The following CSTPP1 variants were observed in gnomAD, a reference collection of about 807,000 sequenced individuals.
CSTPP1 encodes the protein centriolar satellite-associated tubulin polyglutamylase complex regulator 1.
the CSTPP1 span, among the ~76,000 whole-genome samples, chr11:46,951,041 C>A: frequency 1.3e-5 from 2 of 152,140 alleles, no homozygotes; most frequent in Non-Finnish European, 2.9e-5. Flanking sequence ...TAGACACCAG[C>A]TGATCCCACT....
the CSTPP1 span, among the ~76,000 whole-genome samples, chr11:47,094,480 CAGAGAGAGAG>C: frequency 1.3e-5 from 2 of 150,178 alleles, no homozygotes; most frequent in Admixed American, 1.3e-4. Flanking sequence ...TTACCACACA[CAGAGAGAGAG>C]AGAGAGAGAG....
At chr11:47,083,035 C>T in the CSTPP1 span, among the ~76,000 whole-genome samples, 4 of 151,834 alleles carry the variant, frequency 2.6e-5, no homozygotes, top group Non-Finnish European at 4.4e-5. Flanking sequence ...CTCCCTCCCC[C>T]GACCTCACCC....
At chr11:47,115,597 G>A in the CSTPP1 span, among the ~76,000 whole-genome samples, 33 of 152,104 alleles carry the variant, frequency 2.2e-4, no homozygotes, top group South Asian at 4.1e-4. Flanking sequence ...GTTTATTTGC[G>A]TAAATGTGTT....
chr11:47,129,449 G>A, the CSTPP1 span, among the ~76,000 whole-genome samples: 1 of 152,262 alleles, frequency 6.6e-6, no homozygotes, highest in South Asian at 2.1e-4. Flanking sequence ...TTTTCTCCTA[G>A]CACTGGTGCC....
the CSTPP1 span, among the ~76,000 whole-genome samples, chr11:47,147,151 G>C: frequency 2.0e-5 from 3 of 152,200 alleles, no homozygotes; most frequent in Admixed American, 2.0e-4. Context: ...AAGATAGTAA[G>C]ACGTTATGGT....
chr11:46,987,113 G>A, the CSTPP1 span: 2 of 1,176,290 alleles, frequency 1.7e-6, no homozygotes, highest in Admixed American at 3.5e-5. Flanking sequence ...GCCAACACCT[G>A]GATTGCCTTA....
At chr11:47,038,490 GGCCA>G in the CSTPP1 span, among the ~76,000 whole-genome samples, 1 of 108,834 alleles carries the variant, frequency 9.2e-6, no homozygotes, top group Non-Finnish European at 2.3e-5. Flanking sequence ...CGGGGCGGCC[GGCCA>G]GGCAGAGGGG....
chr11:47,070,027 A>G, the CSTPP1 span, among the ~76,000 whole-genome samples: 3 of 152,220 alleles, frequency 2.0e-5, no homozygotes, highest in African/African-American at 7.2e-5. Flanking sequence ...TTGCTTTTTA[A>G]TTTTAAAGTT....
At chr11:46,957,928 AC>A in the CSTPP1 span, among the ~76,000 whole-genome samples, 1 of 152,232 alleles carries the variant, frequency 6.6e-6, no homozygotes. Context: ...AGACCTAGAT[AC>A]ATAGCTATAT....
chr11:47,160,926 G>T, the CSTPP1 span: 1 of 639,016 alleles, frequency 1.6e-6, no homozygotes, highest in Non-Finnish European at 2.7e-6. Flanking sequence ...TAGGCAGTGG[G>T]ATTCAATAAA....
the CSTPP1 span, among the ~76,000 whole-genome samples, chr11:47,055,611 G>A: frequency 2.0e-5 from 3 of 152,116 alleles, no homozygotes; most frequent in Non-Finnish European, 2.9e-5. Context: ...GGTAAAGTGG[G>A]TATTATTGTG....
At chr11:46,974,591 A>G in the CSTPP1 span, among the ~76,000 whole-genome samples, 3 of 152,000 alleles carry the variant, frequency 2.0e-5, no homozygotes, top group African/African-American at 4.8e-5. Context: ...CTGTAATCCC[A>G]GCACTTTGGG....
chr11:47,160,918 G>C, the CSTPP1 span: 1 of 616,290 alleles, frequency 1.6e-6, no homozygotes, highest in Non-Finnish European at 2.8e-6. Context: ...AGGGAAAGTA[G>C]GCAGTGGGAT....
At chr11:47,017,236 G>A in the CSTPP1 span, among the ~76,000 whole-genome samples, 18 of 141,506 alleles carry the variant, frequency 1.3e-4, no homozygotes, top group South Asian at 9.0e-4. Flanking sequence ...GTGCAGTGGC[G>A]CAATCTTGGC....
the CSTPP1 span, chr11:47,155,096 C>G: frequency 1.0e-6 from 1 of 977,732 alleles, no homozygotes; most frequent in Non-Finnish European, 1.6e-6. Flanking sequence ...GCACTTTTCC[C>G]TTCCTCCCTC....
the CSTPP1 span, among the ~76,000 whole-genome samples, chr11:47,120,011 A>G: frequency 2.0e-5 from 3 of 152,086 alleles, no homozygotes; most frequent in Non-Finnish European, 4.4e-5. This position sits in a 1 kb window ranked among gnomAD's most constrained non-coding sequence, Gnocchi z 4.2. Context: ...TGAGCTATGA[A>G]CCCAGAACCC....
chr11:46,962,551 T>C, the CSTPP1 span, among the ~76,000 whole-genome samples: 1 of 152,212 alleles, frequency 6.6e-6, no homozygotes, highest in Non-Finnish European at 1.5e-5. Context: ...ATATTAAGTC[T>C]AACAACCTAC....
the CSTPP1 span, among the ~76,000 whole-genome samples, chr11:46,989,739 A>C: frequency 6.6e-6 from 1 of 152,192 alleles, no homozygotes; most frequent in Admixed American, 6.5e-5. Context: ...ACATGGGTAC[A>C]TTGCACCCAG....
chr11:47,103,778 G>T, the CSTPP1 span: 5 of 146,390 alleles, frequency 3.4e-5, no homozygotes, highest in African/African-American at 1.3e-4. Flanking sequence ...GAGTTCATGC[G>T]ATTCTTGTGC....
Sources: gnomAD v4.1 joint callset for allele counts (sites outside exome capture counted in the v4.1 genomes callset) on GRCh38, gnomAD v4.1.1 for gene constraint, Gnocchi (gnomAD v3.1) non-coding constraint, MANE v1.5 for transcripts, NCBI Gene and HGNC (gene_info 2026-07-23, HGNC 2026-07-21) for gene names.